The following PRTG variants were observed in gnomAD, a reference collection of about 807,000 sequenced individuals.
The protein encoded by PRTG is protogenin.
In PRTG, 67 loss-of-function variants were observed where a neutral mutation model predicts 122.5. The observed-to-expected ratio is 0.55, with a 90% CI of 0.45 to 0.67. The LOEUF is 0.67. Among genes scored for constraint, PRTG ranks in the 30% least tolerant of loss-of-function variants. PRTG has a pLI of 0.00. For missense variants in PRTG, 1,435 were observed against 1,415.4 expected (o/e 1.01, Z -0.22); for synonymous variants, 554 against 501.1 (o/e 1.11, Z -1.41).
In PRTG at chr15:55,638,647, A is replaced by G. The variant is rs2141732793; in HGVS notation, c.2354T>C (p.Leu785Pro). 1 of 1,613,628 alleles carries G rather than the reference A, an allele frequency of 6.2e-7. No homozygotes were observed. The highest frequency in any genetic ancestry group is 1.7e-4 in the Middle Eastern group (1 of 6,060). The change falls in exon 14 of 20, where the codon CTA becomes CCA. Residue 785 changes from leucine to proline, a missense_variant. Transcript: ENST00000389286. ...TSETHMLVQG[L>P]EPNTKYEFAV... ...AAATTCGTATTTGGTGTTTGGTTCTAGACCTTGAACCAACATGTGAGTTTC... is the reference window on the plus strand; with the variant it reads ...AAATTCGTATTTGGTGTTTGGTTCTGGACCTTGAACCAACATGTGAGTTTC...
At chr15:55,668,579 T>C (rs2059450968) in intron 11 of PRTG, among the ~76,000 whole-genome samples, 1 of 152,190 alleles carries the variant, frequency 6.6e-6, no homozygotes, top group South Asian at 2.1e-4. Flanking sequence ...TAAGTGAAAT[T>C]AATCACCACA....
At chr15:55,661,965 T>G (rs115800882) in intron 11 of PRTG, among the ~76,000 whole-genome samples, 1,690 of 151,986 alleles carry the variant, frequency 0.011, 38 homozygotes, top group African/African-American at 0.039. Context: ...ACAAGACAGA[T>G]GTTTTTCACA....
intron 8 of PRTG, 125 bp downstream of exon 8, chr15:55,677,672 C>A: frequency 1.2e-6 from 1 of 804,098 alleles, no homozygotes; most frequent in South Asian, 1.9e-5. Context: ...ATTATTTTAT[C>A]AAAGAAGATA....
intron 2 of PRTG, among the ~76,000 whole-genome samples, chr15:55,692,712 A>AT (rs2059610527): frequency 6.6e-6 from 1 of 150,798 alleles, no homozygotes. Flanking sequence ...ATAAGTCTTG[A>AT]TTTTTTCACT....
At chr15:55,700,681 C>A (rs969339637) in intron 2 of PRTG, among the ~76,000 whole-genome samples, 3 of 151,916 alleles carry the variant, frequency 2.0e-5, no homozygotes, top group Non-Finnish European at 4.4e-5. Flanking sequence ...CTTGGGAGGC[C>A]GGAGTAGGAG....
intron 6 of PRTG, chr15:55,679,795 G>A: frequency 2.1e-6 from 1 of 487,588 alleles, no homozygotes; most frequent in Non-Finnish European, 3.6e-6. Flanking sequence ...ACGGATATGT[G>A]TGTAGGTGTG....
At chr15:55,650,206 C>CAA (rs1195435260) in intron 11 of PRTG, among the ~76,000 whole-genome samples, 1 of 152,056 alleles carries the variant, frequency 6.6e-6, no homozygotes, top group African/African-American at 2.4e-5. Flanking sequence ...TCAGTGTTCT[C>CAA]AAATTTCTTT....
chr15:55,717,910 C>T (rs900563370), intron 2 of PRTG, among the ~76,000 whole-genome samples: 2 of 152,100 alleles, frequency 1.3e-5, no homozygotes, highest in South Asian at 2.1e-4. Flanking sequence ...TTCACATGGA[C>T]GCGCATGAAA....
chr15:55,686,815 T>A (rs758493890), intron 2 of PRTG, among the ~76,000 whole-genome samples: 1 of 152,220 alleles, frequency 6.6e-6, no homozygotes, highest in Admixed American at 6.5e-5. Flanking sequence ...ATGTGAACAT[T>A]TCCTTCTCTT....
chr15:55,738,019 T>TACAC (rs1555438599), intron 2 of PRTG, among the ~76,000 whole-genome samples: 119 of 114,838 alleles, frequency 1.0e-3, no homozygotes, highest in African/African-American at 3.0e-3. Flanking sequence ...TATATATATA[T>TACAC]ATATATACAC....
intron 15 of PRTG, among the ~76,000 whole-genome samples, chr15:55,634,172 A>G (rs2059243586): frequency 7.0e-6 from 1 of 142,618 alleles, no homozygotes; most frequent in South Asian, 2.2e-4. Flanking sequence ...GGTTCAAGTG[A>G]TTCTCCTGCC....
intron 11 of PRTG, among the ~76,000 whole-genome samples, chr15:55,646,476 C>T (rs2059324675): frequency 6.6e-6 from 1 of 151,932 alleles, no homozygotes; most frequent in Non-Finnish European, 1.5e-5. Flanking sequence ...GCGCCCGCCA[C>T]CACGCCCGGC....
At chr15:55,654,974 G>A (rs932652616) in intron 11 of PRTG, 2 of 152,084 alleles carry the variant, frequency 1.3e-5, no homozygotes, top group African/African-American at 4.8e-5. Flanking sequence ...CCTCAGCAGT[G>A]AAAAACAAGC....
rs16976466 is a variant in PRTG at position 55,680,599 on chromosome 15, T to C, written c.706A>G (p.Thr236Ala). The change falls in exon 5 of 20, where the codon ACA becomes GCA. Residue 236 changes from threonine to alanine, a missense_variant. Coordinates refer to ENST00000389286, the MANE Select transcript of PRTG (RefSeq NM_173814.6). ...AKESKSFHTP[T>A]IIAGPQNITT... The stretch of plus-strand genomic sequence containing the variant: ...ATGTTCTGTGGACCTGCTATAATTG[T>C]TGGTGTGTGGAAGGATTTTGACTCC... 0.12 allele frequency: 188,525 copies of C among 1,562,626 alleles called. 14,606 individuals are homozygous for C. Among genetic ancestry groups the C allele is most frequent in the East Asian group, 0.29 (12,835 of 43,734 alleles).
chr15:55,709,364 T>C (rs28610274), intron 2 of PRTG, among the ~76,000 whole-genome samples: 5 of 147,306 alleles, frequency 3.4e-5, no homozygotes, highest in African/African-American at 9.9e-5. Flanking sequence ...ATAAAATATA[T>C]ATAAAATATA....
chr15:55,691,839 C>G (rs1408413061), intron 2 of PRTG, among the ~76,000 whole-genome samples: 1 of 151,886 alleles, frequency 6.6e-6, no homozygotes, highest in African/African-American at 2.4e-5. Context: ...AAGTGACCAG[C>G]CTGGGAAATA....
rs1039521540 is a variant in PRTG, at chr15:55,617,701, C to T, written c.*2311G>A. The T allele has an allele frequency of 6.6e-6, 1 of 152,100 alleles. No individual in the cohort carries two copies. Among genetic ancestry groups the T allele is most frequent in the South Asian group, 2.1e-4 (1 of 4,824 alleles). 9.4% of individuals were successfully genotyped at this position (152,100 alleles called of 1,614,324 possible). On this transcript the variant is annotated 3_prime_UTR_variant, in exon 20 of 20. Transcript: ENST00000389286. ...CATCAAAAACCAAACAAACAAAATA[C>T]TTTCCTCAAGGACTTTAGCTCGTCT...
At chr15:55,662,872 C>T (rs1050540686) in intron 11 of PRTG, among the ~76,000 whole-genome samples, 2 of 152,314 alleles carry the variant, frequency 1.3e-5, no homozygotes, top group East Asian at 3.9e-4. Context: ...GACGCTGGTC[C>T]ACAGACTTAA....
chr15:55,692,791 C>G (rs1327331685), intron 2 of PRTG, among the ~76,000 whole-genome samples: 1 of 148,166 alleles, frequency 6.7e-6, no homozygotes, highest in Non-Finnish European at 1.5e-5. Flanking sequence ...TAACAGCAGC[C>G]TAAAAAAACA....
Sources: allele counts gnomAD v4.1 joint callset (sites outside exome capture counted in the v4.1 genomes callset), GRCh38; gene constraint gnomAD v4.1.1; transcripts MANE v1.5; gene names NCBI Gene and HGNC (gene_info 2026-07-23, HGNC 2026-07-21).